The following DCC variants were observed in gnomAD, a reference collection of about 807,000 sequenced individuals.
DCC encodes DCC netrin 1 receptor, also known as netrin receptor DCC.
DCC carries 58 observed loss-of-function variants against 172.5 expected under a neutral mutation model. That is an observed-to-expected ratio of 0.34 (90% CI 0.27 to 0.42). DCC has a LOEUF of 0.42. Ranked by LOEUF, DCC falls within the 10% of genes least tolerant of loss-of-function variation. The pLI is 1.00. For synonymous variants in DCC, 709 were observed against 644.5 expected (o/e 1.10, Z -1.52); for missense variants, 1,740 against 1,791.0 (o/e 0.97, Z 0.51).
intron 16 of DCC, among the ~76,000 whole-genome samples, chr18:53,386,710 G>C (rs1007707209): frequency 2.0e-5 from 3 of 152,140 alleles, no homozygotes. Flanking sequence ...GCTGATTTAA[G>C]GCCTTGTCAC....
At chr18:53,267,881 T>G (rs1365945607) in intron 12 of DCC, among the ~76,000 whole-genome samples, 1 of 152,200 alleles carries the variant, frequency 6.6e-6, no homozygotes, top group Non-Finnish European at 1.5e-5. Flanking sequence ...GGTTTAATAT[T>G]TAATAAAATT....
At chr18:52,715,257 G>T (rs1394456305) in intron 1 of DCC, among the ~76,000 whole-genome samples, 1 of 143,070 alleles carries the variant, frequency 7.0e-6, no homozygotes, top group Admixed American at 7.0e-5. Flanking sequence ...AAACAATCCT[G>T]CATAAAAAAT....
chr18:52,585,646 T>A (rs1404274278), intron 1 of DCC, among the ~76,000 whole-genome samples: 1 of 152,190 alleles, frequency 6.6e-6, no homozygotes, highest in Admixed American at 6.5e-5. Context: ...GACATGTATG[T>A]CAAAGTTGAA....
chr18:52,663,466 A>T (rs1052539037), intron 1 of DCC, among the ~76,000 whole-genome samples: 22 of 152,096 alleles, frequency 1.4e-4, no homozygotes, highest in Admixed American at 5.2e-4. Flanking sequence ...GTGGACCTAG[A>T]TGTGTTCACC....
intron 1 of DCC, among the ~76,000 whole-genome samples, chr18:52,524,890 A>ATT (rs34077835): frequency 0.016 from 2,448 of 151,620 alleles, 59 homozygotes; most frequent in African/African-American, 0.045. Context: ...AGGTTTTTAG[A>ATT]TTTTTTTTTA....
intron 1 of DCC, among the ~76,000 whole-genome samples, chr18:52,477,827 C>T (rs545317085): frequency 3.7e-4 from 57 of 152,238 alleles, no homozygotes; most frequent in African/African-American, 1.3e-3. Context: ...CCTCTTTCCC[C>T]AATAAACCCT....
At chr18:53,514,506 A>AG (rs1310528031) in intron 27 of DCC, among the ~76,000 whole-genome samples, 6 of 152,226 alleles carry the variant, frequency 3.9e-5, no homozygotes, top group African/African-American at 1.4e-4. Flanking sequence ...TAATGAATAC[A>AG]GGAGCTGGTT....
chr18:52,818,291 G>GA (rs1159855249), intron 2 of DCC: 1 of 151,772 alleles, frequency 6.6e-6, no homozygotes. Flanking sequence ...GCATGCCTGT[G>GA]ATCCCAGCTA....
chr18:52,487,810 CA>C (rs5824940), intron 1 of DCC, among the ~76,000 whole-genome samples: 4,940 of 74,068 alleles, frequency 0.067, 166 homozygotes, highest in African/African-American at 0.24. Context: ...GACTCCACCT[CA>C]AAAAAAAAAA....
At chr18:53,076,882 A>G (rs968153319) in intron 7 of DCC, among the ~76,000 whole-genome samples, 5 of 152,166 alleles carry the variant, frequency 3.3e-5, no homozygotes, top group Admixed American at 3.3e-4. Flanking sequence ...TCTGGTGAGT[A>G]GCAGAAACCA....
intron 27 of DCC, among the ~76,000 whole-genome samples, chr18:53,512,000 A>G (rs1426604977): frequency 6.6e-6 from 1 of 152,046 alleles, no homozygotes; most frequent in Non-Finnish European, 1.5e-5. Flanking sequence ...TGTAGGCTCC[A>G]CCTCTGGGGG....
At chr18:53,048,272 C>T (rs1345483056) in intron 5 of DCC, among the ~76,000 whole-genome samples, 1 of 151,610 alleles carries the variant, frequency 6.6e-6, no homozygotes, top group Non-Finnish European at 1.5e-5. Flanking sequence ...CTTCTCCCTT[C>T]TCCCACCCTC....
chr18:52,835,986 A>AG (rs1398945341), intron 2 of DCC, among the ~76,000 whole-genome samples: 10 of 152,220 alleles, frequency 6.6e-5, no homozygotes, highest in African/African-American at 2.2e-4. Flanking sequence ...TTGACTCACA[A>AG]GGGAGGCCTC....
intron 5 of DCC, among the ~76,000 whole-genome samples, chr18:52,931,207 T>C (rs1323343110): frequency 1.3e-5 from 2 of 152,240 alleles, no homozygotes; most frequent in Admixed American, 6.6e-5. Context: ...ACTACTCTGA[T>C]ATAAAGTTAG....
intron 13 of DCC, among the ~76,000 whole-genome samples, chr18:53,310,326 T>C (rs2057251565): frequency 6.6e-6 from 1 of 152,178 alleles, no homozygotes; most frequent in African/African-American, 2.4e-5. Flanking sequence ...CCTATGATTT[T>C]AATGCCTATA....
At chr18:53,042,021 A>T (rs1431815259) in intron 5 of DCC, among the ~76,000 whole-genome samples, 1 of 151,952 alleles carries the variant, frequency 6.6e-6, no homozygotes, top group Admixed American at 6.6e-5. Flanking sequence ...GATTGTCCTG[A>T]CCAGAACTTC....
At chr18:53,423,365 G>C (rs536209011) in intron 21 of DCC, among the ~76,000 whole-genome samples, 1 of 152,190 alleles carries the variant, frequency 6.6e-6, no homozygotes, top group Admixed American at 6.5e-5. Flanking sequence ...AAACAGATGG[G>C]TCACTGTTGC....
intron 1 of DCC, among the ~76,000 whole-genome samples, chr18:52,558,618 G>A (rs758579701): frequency 6.6e-6 from 1 of 152,096 alleles, no homozygotes; most frequent in African/African-American, 2.4e-5. Flanking sequence ...TCAGTAGAAC[G>A]GGGTTTATCA....
chr18:53,197,875 T>G (rs901958832), intron 9 of DCC, among the ~76,000 whole-genome samples: 5 of 152,080 alleles, frequency 3.3e-5, no homozygotes, highest in African/African-American at 1.2e-4. Flanking sequence ...AGATAAAAAG[T>G]GTATTAATTC....
Sources: allele counts gnomAD v4.1 joint callset (sites outside exome capture counted in the v4.1 genomes callset), GRCh38; gene constraint gnomAD v4.1.1; transcripts MANE v1.5; gene names NCBI Gene and HGNC (gene_info 2026-07-23, HGNC 2026-07-21).